Variants in INPP5A observed in about 807,000 individuals in gnomAD.
INPP5A encodes inositol polyphosphate-5-phosphatase A, also known as 43 kDa inositol polyphosphate 5-phophatase.
A neutral mutation model predicts 65.2 loss-of-function variants in INPP5A; 14 were observed. The ratio of observed to expected loss-of-function variants is 0.21; its 90% CI spans 0.14 to 0.34. The LOEUF (loss-of-function observed/expected upper bound fraction) is 0.34, where lower values mean the gene tolerates loss of function less well. Among genes scored for constraint, INPP5A ranks in the 10% least tolerant of loss-of-function variants. The pLI is 1.00. For synonymous variants in INPP5A, 207 were observed against 208.3 expected (o/e 0.99, Z 0.05); for missense variants, 431 against 545.6 (o/e 0.79, Z 2.09).
Position 132,659,162 on chromosome 10 carries a change from C to G in INPP5A, c.306+8657C>G, listed in dbSNP as rs1201310778. Among the ~76,000 whole-genome samples the G allele has an allele frequency of 6.6e-6, 1 of 152,200 alleles. No individual in the cohort carries two copies. Among genetic ancestry groups the G allele is most frequent in the Non-Finnish European group, 1.5e-5 (1 of 68,038 alleles). On this transcript the variant is annotated intron_variant, in intron 4 of 15. Coordinates refer to ENST00000368594, the MANE Select transcript of INPP5A (RefSeq NM_005539.5). The surrounding 1 kb of genome is among the most constrained non-coding windows in gnomAD (Gnocchi z 5.5). ...TCTCCAAACTTCCGGGGAGACCTGT[C>G]TGTGCTCCTGTAGGTGTCAGGCAGA...
intron 6 of INPP5A, among the ~76,000 whole-genome samples, chr10:132,701,598 C>T (rs1845438604): frequency 6.6e-6 from 1 of 152,262 alleles, no homozygotes; most frequent in African/African-American, 2.4e-5. Flanking sequence ...CTCTGCCTCC[C>T]AGCACTTCCC....
At chr10:132,623,738 C>T (rs2072138194) in intron 2 of INPP5A, among the ~76,000 whole-genome samples, 1 of 152,018 alleles carries the variant, frequency 6.6e-6, no homozygotes, top group South Asian at 2.1e-4. Flanking sequence ...AAAATATTTG[C>T]AAATTACATA....
In INPP5A at chr10:132,537,895, G is replaced by C. The variant is rs1261322411; in HGVS notation, c.-202G>C. On this transcript the variant is annotated 5_prime_UTR_variant, in exon 1 of 16. Coordinates refer to ENST00000368594, the MANE Select transcript of INPP5A (RefSeq NM_005539.5). ...GGCGGCGAGCGACGGGCGCGGGGCCGCGGAGCAGCGAGCGAGCGAGCGAGC... is the reference window on the plus strand; with the variant it reads ...GGCGGCGAGCGACGGGCGCGGGGCCCCGGAGCAGCGAGCGAGCGAGCGAGC... 5 of 299,500 alleles carry C rather than the reference G, an allele frequency of 1.7e-5. No individual in the cohort carries two copies. The highest frequency in any genetic ancestry group is 3.1e-5 in the Non-Finnish European group (5 of 163,348). 18.6% of individuals were successfully genotyped at this position (299,500 alleles called of 1,614,324 possible). A position where few individuals can be genotyped will look rare whatever the true frequency, so the allele number is the denominator to read the frequency against.
At position 132,560,496 on chromosome 10, in the gene INPP5A, A is replaced by G. The variant is rs984818702; in HGVS notation, c.75+22325A>G. Among the ~76,000 whole-genome samples, 11 of 152,158 alleles carry G rather than the reference A, an allele frequency of 7.2e-5. No homozygotes were observed. In the East Asian group the frequency reaches 2.1e-3, roughly 29 times the overall value. ...GCAGTGGTATCTCCTGGTGGCTTTG[A>G]ATTGCATTTCCCTGATGAGTAATCA... On this transcript the variant is annotated intron_variant, in intron 1 of 15. Coordinates refer to ENST00000368594, the MANE Select transcript of INPP5A (RefSeq NM_005539.5).
In INPP5A at chr10:132,627,601, C is replaced by A. The variant is rs572881810; in HGVS notation, c.118-18267C>A. Among the ~76,000 whole-genome samples, 4 of 152,126 alleles carry A rather than the reference C, an allele frequency of 2.6e-5. No individual in the cohort carries two copies. The highest frequency in any genetic ancestry group is 5.9e-5 in the Non-Finnish European group (4 of 68,032). On this transcript the variant is annotated intron_variant, in intron 2 of 15. Coordinates refer to ENST00000368594, the MANE Select transcript of INPP5A (RefSeq NM_005539.5). This position sits in a 1 kb window ranked among gnomAD's most constrained non-coding sequence, Gnocchi z 6.6. Reference sequence around the variant, plus strand: ...TGCAGCGGATGACAAGTGAAATGAACGAGGGAGTGAGAGCCGAAAAAGACA... The same window carrying A: ...TGCAGCGGATGACAAGTGAAATGAAAGAGGGAGTGAGAGCCGAAAAAGACA...
chr10:132,664,417 G>T (rs2072776482), intron 4 of INPP5A, among the ~76,000 whole-genome samples: 1 of 152,366 alleles, frequency 6.6e-6, no homozygotes, highest in South Asian at 2.1e-4. Context: ...TTATGTCACA[G>T]CCTGCCCAGG....
At position 132,545,612 on chromosome 10, in the gene INPP5A, C is replaced by T. The variant is rs372696199; in HGVS notation, c.75+7441C>T. The stretch of plus-strand genomic sequence containing the variant: ...GTGGGGGCCTTAGGGGAAGAGGGTG[C>T]GGAACAGGCAGGCTGTTCCCATGCG... On this transcript the variant is annotated intron_variant, in intron 1 of 15. Coordinates refer to ENST00000368594, the MANE Select transcript of INPP5A (RefSeq NM_005539.5). This position sits in a 1 kb window ranked among gnomAD's most constrained non-coding sequence, Gnocchi z 4.6. 1.3e-5 allele frequency among the ~76,000 whole-genome samples: 2 copies of T among 152,238 alleles called. No individual in the cohort carries two copies. The highest frequency in any genetic ancestry group is 2.9e-5 in the Non-Finnish European group (2 of 68,036).
rs1030966290 is a variant in INPP5A at position 132,706,799 on chromosome 10, G to T, written c.475-1514G>T. Among the ~76,000 whole-genome samples the T allele has an allele frequency of 2.6e-5, 4 of 152,146 alleles. No homozygotes were observed. Among genetic ancestry groups the T allele is most frequent in the Admixed American group, 2.0e-4 (3 of 15,280 alleles). ...GAGGGAGACAGGGAGAAGGAGACGG[G>T]GCTGCAGGGGCCACTGTGCTGGATG... is the stretch of plus-strand genomic sequence containing the variant. On this transcript the variant is annotated intron_variant, in intron 6 of 15. Coordinates refer to ENST00000368594, the MANE Select transcript of INPP5A (RefSeq NM_005539.5). This position sits in a 1 kb window ranked among gnomAD's most constrained non-coding sequence, Gnocchi z 4.7.
chr10:132,736,296 C>T (rs914288314), intron 9 of INPP5A, among the ~76,000 whole-genome samples: 40 of 152,352 alleles, frequency 2.6e-4, no homozygotes, highest in South Asian at 1.4e-3. Flanking sequence ...CAGTGCCAGG[C>T]GCACCCGTCT....
At chr10:132,642,000 C>T (rs950301868) in intron 2 of INPP5A, among the ~76,000 whole-genome samples, 3 of 152,190 alleles carry the variant, frequency 2.0e-5, no homozygotes, top group South Asian at 2.1e-4. Context: ...CCAGTGCTGG[C>T]GCATCACGGT....
chr10:132,700,421 G>A (rs974854497), intron 6 of INPP5A, among the ~76,000 whole-genome samples: 2 of 152,222 alleles, frequency 1.3e-5, no homozygotes, highest in East Asian at 1.9e-4. Flanking sequence ...CCCGGGACCC[G>A]TGTGTTTGAT....
In INPP5A at chr10:132,737,398, G is replaced by A. The variant is rs184768207; in HGVS notation, c.732+10493G>A. On this transcript the variant is annotated intron_variant, in intron 9 of 15. Coordinates refer to ENST00000368594, the MANE Select transcript of INPP5A (RefSeq NM_005539.5). ...CCTGCTGCCGTGGGTTAATGTTAGC[G>A]CAGCCCCGTCCTCTGCTGCCGTGGG... 2.0e-3 allele frequency among the ~76,000 whole-genome samples: 307 copies of A among 151,040 alleles called. 1 individual carries two copies. Among genetic ancestry groups the A allele is most frequent in the South Asian group, 5.2e-3 (25 of 4,808 alleles).
At position 132,538,307 on chromosome 10, in the gene INPP5A, G is replaced by C. The variant is rs192044971; in HGVS notation, c.75+136G>C. 649 of 362,962 alleles carry C rather than the reference G, an allele frequency of 1.8e-3. 7 individuals carry two copies. Among genetic ancestry groups the C allele is most frequent in the African/African-American group, 0.013 (601 of 45,790 alleles). 22.5% of individuals were successfully genotyped at this position (362,962 alleles called of 1,614,324 possible). The stretch of plus-strand genomic sequence containing the variant: ...GCCCCAGACTCTGATCCCTGTACCC[G>C]GGACCCCAGACTCCTGTCCTGATTC... On this transcript the variant is annotated intron_variant, in intron 1 of 15. Transcript: ENST00000368594. This position sits in a 1 kb window ranked among gnomAD's most constrained non-coding sequence, Gnocchi z 4.1.
In INPP5A at chr10:132,674,126, G is replaced by A. The variant is rs144859710; in HGVS notation, c.307-16266G>A. The stretch of plus-strand genomic sequence containing the variant: ...GCTCCTCTGCTGAGGTCACCCATTG[G>A]TGAGCACTCACATGCGATACAAATA... On this transcript the variant is annotated intron_variant, in intron 4 of 15. Coordinates refer to ENST00000368594, the MANE Select transcript of INPP5A (RefSeq NM_005539.5). The surrounding 1 kb of genome is among the most constrained non-coding windows in gnomAD (Gnocchi z 4.4). Among the ~76,000 whole-genome samples, 310 of 152,342 alleles carry A rather than the reference G, an allele frequency of 2.0e-3. No individual in the cohort carries two copies. The highest frequency in any genetic ancestry group is 0.01 in the Middle Eastern group (3 of 294).
intron 12 of INPP5A, among the ~76,000 whole-genome samples, chr10:132,768,523 C>T (rs901960746): frequency 3.3e-5 from 5 of 152,216 alleles, no homozygotes; most frequent in African/African-American, 9.6e-5. Flanking sequence ...CGGGGGGTCC[C>T]GAGTGCCTCT....
chr10:132,544,965 G>T (rs560534402), intron 1 of INPP5A, among the ~76,000 whole-genome samples: 1 of 152,152 alleles, frequency 6.6e-6, no homozygotes, highest in Non-Finnish European at 1.5e-5. Flanking sequence ...AAATATTAAC[G>T]ATTCCTCATG....
At chr10:132,581,353 A>T (rs1012372755) in intron 1 of INPP5A, among the ~76,000 whole-genome samples, 1 of 152,190 alleles carries the variant, frequency 6.6e-6, no homozygotes, top group African/African-American at 2.4e-5. Context: ...CTCTATGAAC[A>T]TTCTTGTACA....
chr10:132,649,247 G>A (rs956325426), intron 3 of INPP5A, among the ~76,000 whole-genome samples: 1 of 152,168 alleles, frequency 6.6e-6, no homozygotes, highest in Admixed American at 6.5e-5. Flanking sequence ...CCCTGTCCTC[G>A]CTTTTCCTTC....
chr10:132,595,478 T>C (rs2133320392), intron 1 of INPP5A, among the ~76,000 whole-genome samples: 1 of 152,370 alleles, frequency 6.6e-6, no homozygotes, highest in Non-Finnish European at 1.5e-5. Flanking sequence ...TTGTGGTGTT[T>C]GTTGGTGAGT....
Sources: gnomAD v4.1 joint callset for allele counts (sites outside exome capture counted in the v4.1 genomes callset) on GRCh38, gnomAD v4.1.1 for gene constraint, Gnocchi (gnomAD v3.1) non-coding constraint, MANE v1.5 for transcripts, NCBI Gene and HGNC (gene_info 2026-07-23, HGNC 2026-07-21) for gene names.